Variants in KIAA1217 observed in about 807,000 individuals in gnomAD.
The protein encoded by KIAA1217 is KIAA1217.
A neutral mutation model predicts 163.9 loss-of-function variants in KIAA1217; 88 were observed. The ratio of observed to expected loss-of-function variants is 0.54; its 90% CI spans 0.45 to 0.64. The LOEUF (loss-of-function observed/expected upper bound fraction) is 0.64, where lower values mean the gene tolerates loss of function less well. Among genes scored for constraint, KIAA1217 ranks in the 30% least tolerant of loss-of-function variants. KIAA1217 has a pLI of 0.00. For synonymous variants in KIAA1217, 903 were observed against 923.1 expected, an observed-to-expected ratio of 0.98 and a Z score of 0.39; for missense variants, 2,372 against 2,475.0, an observed-to-expected ratio of 0.96 and a Z score of 0.88.
At chr10:24,267,256 T>C (rs929761186) in intron 2 of KIAA1217, among the ~76,000 whole-genome samples, 2 of 152,194 alleles carry the variant, frequency 1.3e-5, no homozygotes, top group African/African-American at 2.4e-5. Flanking sequence ...GCTGGGAAGA[T>C]GAAGACTTAT....
intron 1 of KIAA1217, among the ~76,000 whole-genome samples, chr10:23,733,305 G>A (rs1013771220): frequency 6.6e-6 from 1 of 152,242 alleles, no homozygotes; most frequent in African/African-American, 2.4e-5. Flanking sequence ...GAGCCAAAAT[G>A]TGTGGCCAAA....
At chr10:24,540,208 C>T (rs905171992) in intron 17 of KIAA1217, among the ~76,000 whole-genome samples, 1 of 152,116 alleles carries the variant, frequency 6.6e-6, no homozygotes, top group Non-Finnish European at 1.5e-5. Context: ...TTTTAAAATA[C>T]ATATATTACA....
At chr10:24,153,350 G>T (rs139116577) in intron 2 of KIAA1217, among the ~76,000 whole-genome samples, 1 of 152,158 alleles carries the variant, frequency 6.6e-6, no homozygotes, top group Non-Finnish European at 1.5e-5. Context: ...CTGTGTTTTC[G>T]AGAGACATTT....
At chr10:24,371,069 T>G (rs1314552420) in intron 2 of KIAA1217, among the ~76,000 whole-genome samples, 2 of 152,198 alleles carry the variant, frequency 1.3e-5, no homozygotes, top group Non-Finnish European at 2.9e-5. Flanking sequence ...TAGGCTTTAT[T>G]TTCTTTAAAT....
chr10:24,321,358 C>A (rs570393591), intron 2 of KIAA1217, among the ~76,000 whole-genome samples: 1 of 151,886 alleles, frequency 6.6e-6, no homozygotes, highest in East Asian at 1.9e-4. Context: ...GACCAACATA[C>A]CAAAACCCCA....
intron 5 of KIAA1217, among the ~76,000 whole-genome samples, chr10:24,467,823 T>C (rs1031169700): frequency 6.6e-6 from 1 of 150,630 alleles, no homozygotes; most frequent in African/African-American, 2.4e-5. Flanking sequence ...TATGTGTGTG[T>C]GTGTGTGTGT....
chr10:24,538,716 A>T (rs1170356240), intron 17 of KIAA1217, among the ~76,000 whole-genome samples: 7 of 134,378 alleles, frequency 5.2e-5, no homozygotes, highest in East Asian at 4.3e-4. Context: ...AAATATATTG[A>T]TTTTTATTGT....
chr10:24,001,294 T>G (rs1283915648), intron 1 of KIAA1217, among the ~76,000 whole-genome samples: 1 of 152,204 alleles, frequency 6.6e-6, no homozygotes, highest in Non-Finnish European at 1.5e-5. Context: ...AGAGCAGCCA[T>G]TCGGTGAGTT....
chr10:23,724,387 TTG>T (rs778161444), intron 1 of KIAA1217, among the ~76,000 whole-genome samples: 3 of 152,256 alleles, frequency 2.0e-5, no homozygotes, highest in Non-Finnish European at 2.9e-5. Flanking sequence ...ATATTTTTCA[TTG>T]TGTTATTAAT....
chr10:24,204,805 T>C (rs2067457086), upstream of KIAA1217, among the ~76,000 whole-genome samples: 1 of 152,228 alleles, frequency 6.6e-6, no homozygotes, highest in African/African-American at 2.4e-5. Context: ...TTTAAGCAAA[T>C]GTTATCCCAG....
At chr10:23,840,915 A>G (rs764164155) in intron 1 of KIAA1217, among the ~76,000 whole-genome samples, 8 of 152,206 alleles carry the variant, frequency 5.3e-5, no homozygotes, top group Non-Finnish European at 1.0e-4. Flanking sequence ...GTGGTCAAGA[A>G]TATGAATTCT....
chr10:23,782,079 T>A (rs1588791752), intron 1 of KIAA1217, among the ~76,000 whole-genome samples: 1 of 152,138 alleles, frequency 6.6e-6, no homozygotes, highest in East Asian at 1.9e-4. Context: ...AAAAAAAAAT[T>A]TTTTTTTCTA....
At chr10:24,319,880 C>G (rs2043913512) in intron 2 of KIAA1217, among the ~76,000 whole-genome samples, 3 of 152,166 alleles carry the variant, frequency 2.0e-5, no homozygotes, top group African/African-American at 7.2e-5. Context: ...AATTTACCTG[C>G]AAGGAAGTTC....
At chr10:23,949,033 A>G (rs1384615305) in intron 1 of KIAA1217, among the ~76,000 whole-genome samples, 2 of 152,302 alleles carry the variant, frequency 1.3e-5, no homozygotes, top group Middle Eastern at 3.4e-3. Context: ...AAATAATGCA[A>G]TGTACTCTAA....
At chr10:24,360,429 A>G (rs1321694587) in intron 2 of KIAA1217, among the ~76,000 whole-genome samples, 1 of 152,150 alleles carries the variant, frequency 6.6e-6, no homozygotes, top group East Asian at 1.9e-4. Context: ...TTTATTCCTC[A>G]GTGGTAACTT....
At chr10:23,820,060 T>TGTACA (rs1182687207) in intron 1 of KIAA1217, among the ~76,000 whole-genome samples, 2 of 152,272 alleles carry the variant, frequency 1.3e-5, no homozygotes, top group East Asian at 3.8e-4. Flanking sequence ...ATCTGGTATA[T>TGTACA]GTACAGAATT....
chr10:23,886,569 C>G (rs190672938), intron 1 of KIAA1217, among the ~76,000 whole-genome samples: 2 of 151,908 alleles, frequency 1.3e-5, no homozygotes, highest in Non-Finnish European at 2.9e-5. Flanking sequence ...CTCGCTAGGG[C>G]GCAGCAGAGA....
intron 1 of KIAA1217, among the ~76,000 whole-genome samples, chr10:23,736,775 C>G (rs1364637866): frequency 6.6e-6 from 1 of 152,172 alleles, no homozygotes. Context: ...ATCCTTCTGC[C>G]TCAGCCTCCC....
chr10:24,451,210 A>G (rs1044216267), intron 5 of KIAA1217, among the ~76,000 whole-genome samples: 8 of 152,162 alleles, frequency 5.3e-5, no homozygotes, highest in Admixed American at 2.0e-4. Flanking sequence ...AAATGTTTCC[A>G]TAGGACAGAG....
Sources: allele counts gnomAD v4.1 joint callset (sites outside exome capture counted in the v4.1 genomes callset), GRCh38; gene constraint gnomAD v4.1.1; transcripts MANE v1.5; gene names NCBI Gene and HGNC (gene_info 2026-07-23, HGNC 2026-07-21).